The following MAD1L1 variants were observed in gnomAD, a reference collection of about 807,000 sequenced individuals.
The protein encoded by MAD1L1 is mitotic arrest deficient 1 like 1.
In MAD1L1, 95 loss-of-function variants were observed where a neutral mutation model predicts 96.9. The ratio of observed to expected loss-of-function variants is 0.98; its 90% CI spans 0.83 to 1.16. MAD1L1 has a LOEUF of 1.16. MAD1L1 is among the 50% of genes most tolerant of loss of function. The probability of loss-of-function intolerance (pLI) is 0.00; values close to 1 mark genes in which losing one functional copy is unlikely to be tolerated. For missense variants in MAD1L1, 1,007 were observed against 954.4 expected (o/e 1.06, Z -0.73); for synonymous variants, 473 against 396.6 (o/e 1.19, Z -2.29).
At chr7:2,177,357 T>C (rs1026842444) in intron 10 of MAD1L1, among the ~76,000 whole-genome samples, 1 of 152,230 alleles carries the variant, frequency 6.6e-6, no homozygotes, top group Non-Finnish European at 1.5e-5. Context: ...AAATTAAAAA[T>C]GGTTCACTCT....
intron 18 of MAD1L1, among the ~76,000 whole-genome samples, chr7:1,841,661 C>G (rs1783266635): frequency 6.6e-6 from 1 of 152,340 alleles, no homozygotes; most frequent in South Asian, 2.1e-4. Flanking sequence ...GGTGGGGACC[C>G]AAGGGGCCAG....
At chr7:1,903,053 G>T (rs750327087) in intron 17 of MAD1L1, among the ~76,000 whole-genome samples, 9 of 151,244 alleles carry the variant, frequency 6.0e-5, no homozygotes, top group Non-Finnish European at 1.2e-4. Context: ...GTGGCCTATG[G>T]AAGACACTCT....
chr7:1,904,425 G>T (rs1286855724), intron 17 of MAD1L1, among the ~76,000 whole-genome samples: 1 of 141,096 alleles, frequency 7.1e-6, no homozygotes, highest in Non-Finnish European at 1.5e-5. Flanking sequence ...AGGACACAGT[G>T]GCCTATGAAA....
chr7:1,889,602 G>C (rs565165029), intron 18 of MAD1L1, among the ~76,000 whole-genome samples: 9 of 152,360 alleles, frequency 5.9e-5, no homozygotes, highest in African/African-American at 1.7e-4. Context: ...GCAACGCAGA[G>C]AGATGCTTCA....
intron 10 of MAD1L1, among the ~76,000 whole-genome samples, chr7:2,179,589 G>A (rs1330499834): frequency 6.6e-6 from 1 of 151,708 alleles, no homozygotes; most frequent in East Asian, 1.9e-4. Context: ...AACAGAATGG[G>A]GCTGGCATCT....
chr7:2,190,380 CAGTA>C (rs1791660856), intron 10 of MAD1L1, among the ~76,000 whole-genome samples: 1 of 152,134 alleles, frequency 6.6e-6, no homozygotes, highest in Non-Finnish European at 1.5e-5. Context: ...TCAAAATTAA[CAGTA>C]AAGTTAAAGC....
At chr7:1,886,210 G>C (rs761778607) in intron 18 of MAD1L1, among the ~76,000 whole-genome samples, 1 of 152,230 alleles carries the variant, frequency 6.6e-6, no homozygotes, top group Non-Finnish European at 1.5e-5. Flanking sequence ...TGTCTAAGGG[G>C]CTTGTCCTCT....
intron 18 of MAD1L1, chr7:1,845,740 G>A (rs1215920880): frequency 6.6e-6 from 1 of 152,004 alleles, no homozygotes; most frequent in Admixed American, 6.6e-5. Flanking sequence ...GACACGCGTC[G>A]GGTTCCGGCT....
At chr7:1,921,750 T>C (rs1304232697) in intron 17 of MAD1L1, among the ~76,000 whole-genome samples, 2 of 152,162 alleles carry the variant, frequency 1.3e-5, no homozygotes, top group African/African-American at 2.4e-5. Flanking sequence ...TAAGTTTTAA[T>C]AAAGATGAAG....
chr7:1,990,038 G>A (rs1781335936), intron 14 of MAD1L1, among the ~76,000 whole-genome samples: 1 of 152,250 alleles, frequency 6.6e-6, no homozygotes, highest in African/African-American at 2.4e-5. Context: ...GAGGAGCTGG[G>A]TAACTCCCCC....
chr7:1,948,020 G>A (rs1779311460), intron 16 of MAD1L1, among the ~76,000 whole-genome samples: 1 of 152,228 alleles, frequency 6.6e-6, no homozygotes, highest in African/African-American at 2.4e-5. Flanking sequence ...CCCGGGAGCG[G>A]TGGGAGGATG....
At chr7:2,020,812 G>A in intron 12 of MAD1L1, among the ~76,000 whole-genome samples, 1 of 151,708 alleles carries the variant, frequency 6.6e-6, no homozygotes. Context: ...AGGCTACGGT[G>A]CAGTGGCACA....
At chr7:1,992,618 G>A (rs930176693) in intron 14 of MAD1L1, among the ~76,000 whole-genome samples, 2 of 152,162 alleles carry the variant, frequency 1.3e-5, no homozygotes, top group African/African-American at 4.8e-5. Context: ...TGCCTTTTTA[G>A]GACATCTGAG....
At chr7:2,213,344 T>C (rs1793084317) in intron 9 of MAD1L1, 71 bp from the exon 10 acceptor site, 1 of 1,410,040 alleles carries the variant, frequency 7.1e-7, no homozygotes, top group South Asian at 1.2e-5. Flanking sequence ...CTGACAATCA[T>C]GATCACGGTG....
intron 12 of MAD1L1, among the ~76,000 whole-genome samples, chr7:2,049,453 C>G (rs1157491253): frequency 2.0e-5 from 3 of 152,236 alleles, no homozygotes; most frequent in Non-Finnish European, 4.4e-5. Flanking sequence ...TGGCAAAAGG[C>G]TCGGGGGCAG....
At position 2,221,079 on chromosome 7, in the gene MAD1L1, C is replaced by T. The variant is rs546421853; in HGVS notation, c.471+1496G>A. The T allele has an allele frequency of 1.3e-5, 21 of 1,564,174 alleles. 1 individual carries two copies. The South Asian group carries it at 2.4e-4, about 18-fold the overall frequency. Reference sequence around the variant, plus strand: ...GCGCAGGGAGGGCTTCCCTGAGGAGCGGCCACCTCGGCTTAGACATGACAG... The same window carrying T: ...GCGCAGGGAGGGCTTCCCTGAGGAGTGGCCACCTCGGCTTAGACATGACAG... On this transcript the variant is annotated intron_variant, in intron 5 of 18. Coordinates refer to ENST00000265854, the MANE Select transcript of MAD1L1 (RefSeq NM_001013836.2).
rs1787023487 is a variant in MAD1L1, at chr7:1,898,340, CCTT to C, written c.1855_1857del (p.Lys619del). Reference sequence around the variant, plus strand: ...TCCTGGATCTTGGTCTGGAAAACCTCCTTGAGCCGCTGGTTCTTCAGCTCGGCA... The same window carrying C: ...TCCTGGATCTTGGTCTGGAAAACCTCGAGCCGCTGGTTCTTCAGCTCGGCA... On this transcript the variant is annotated inframe_deletion, in exon 18 of 19. Coordinates refer to ENST00000265854, the MANE Select transcript of MAD1L1 (RefSeq NM_001013836.2). The C allele has an allele frequency of 9.9e-6, 16 of 1,614,068 alleles. No homozygotes were observed. The highest frequency in any genetic ancestry group is 1.3e-5 in the Non-Finnish European group (15 of 1,180,022).
chr7:2,090,536 T>C (rs1160534020), intron 11 of MAD1L1, among the ~76,000 whole-genome samples: 4 of 152,244 alleles, frequency 2.6e-5, no homozygotes, highest in African/African-American at 9.6e-5. Context: ...CCAGTGTGTC[T>C]GTCCTTCAGC....
At chr7:1,941,000 G>GGCCTCAC (rs1778964937) in intron 16 of MAD1L1, among the ~76,000 whole-genome samples, 2 of 78,078 alleles carry the variant, frequency 2.6e-5, no homozygotes, top group Admixed American at 1.1e-4. Context: ...CCAGGCCTCA[G>GGCCTCAC]CCTCCTCTTC....
Sources: allele counts gnomAD v4.1 joint callset (sites outside exome capture counted in the v4.1 genomes callset), GRCh38; gene constraint gnomAD v4.1.1; transcripts MANE v1.5; gene names NCBI Gene and HGNC (gene_info 2026-07-23, HGNC 2026-07-21).